Variants in TTC29 observed in about 807,000 individuals in gnomAD.
TTC29 encodes the protein tetratricopeptide repeat protein 29.
A neutral mutation model predicts 58.1 loss-of-function variants in TTC29; 49 were observed. The observed-to-expected ratio is 0.84, with a 90% CI of 0.67 to 1.07. The LOEUF (loss-of-function observed/expected upper bound fraction) is 1.07, where lower values mean the gene tolerates loss of function less well. Among genes scored for constraint, TTC29 ranks in the 50% least tolerant of loss-of-function variants. The pLI, the probability that TTC29 is intolerant of heterozygous loss-of-function variation, is 0.00. For synonymous variants in TTC29, 209 were observed against 196.8 expected, an observed-to-expected ratio of 1.06 and a Z score of -0.52; for missense variants, 582 against 555.6, an observed-to-expected ratio of 1.05 and a Z score of -0.48.
chr4:146,802,043 C>G (rs1316925475), intron 11 of TTC29, among the ~76,000 whole-genome samples: 2 of 144,886 alleles, frequency 1.4e-5, no homozygotes, highest in African/African-American at 5.1e-5. Flanking sequence ...AGGATGGCCT[C>G]GAATAGACAT....
At chr4:146,712,664 T>C (rs1386444425) in intron 11 of TTC29, among the ~76,000 whole-genome samples, 3 of 152,116 alleles carry the variant, frequency 2.0e-5, no homozygotes, top group Non-Finnish European at 4.4e-5. Context: ...AAGAAACAGA[T>C]GGCACATGCA....
At chr4:146,920,496 C>T (rs1360309584) in intron 4 of TTC29, among the ~76,000 whole-genome samples, 7 of 150,884 alleles carry the variant, frequency 4.6e-5, no homozygotes, top group Non-Finnish European at 1.0e-4. Context: ...GAAAACAAAA[C>T]ATTATTCATG....
In TTC29 at chr4:146,718,682, C is replaced by A. The variant is rs540024160; in HGVS notation, c.1331-11131G>T. ...GGTTTTCTCTTCACTCTGTTGTTTT[C>A]TTTTTTTGTGCAGAAACTTTTAATT... On this transcript the variant is annotated intron_variant, in intron 11 of 12. Coordinates refer to ENST00000325106, the MANE Select transcript of TTC29 (RefSeq NM_031956.4). 2.0e-5 allele frequency among the ~76,000 whole-genome samples: 3 copies of A among 151,956 alleles called. No individual in the cohort carries two copies. The South Asian group carries it at 6.3e-4, about 32-fold the overall frequency.
At chr4:146,939,124 C>G (rs1399651138) in intron 3 of TTC29, among the ~76,000 whole-genome samples, 1 of 152,114 alleles carries the variant, frequency 6.6e-6, no homozygotes, top group Non-Finnish European at 1.5e-5. Flanking sequence ...TCTTCCAAAA[C>G]AGAAGTCAGC....
At chr4:146,822,006 T>TC (rs1751874155) in intron 9 of TTC29, among the ~76,000 whole-genome samples, 2 of 120,562 alleles carry the variant, frequency 1.7e-5, no homozygotes, top group Non-Finnish European at 3.4e-5. Flanking sequence ...TTTTTTTTTT[T>TC]CTGGGTTTTC....
At chr4:146,895,803 A>G (rs1472332805) in intron 6 of TTC29, among the ~76,000 whole-genome samples, 1 of 152,162 alleles carries the variant, frequency 6.6e-6, no homozygotes, top group Non-Finnish European at 1.5e-5. Flanking sequence ...AATAAACCCC[A>G]TCATTTTCCC....
intron 2 of TTC29, among the ~76,000 whole-genome samples, chr4:146,942,429 T>A (rs909978802): frequency 3.9e-5 from 6 of 152,230 alleles, no homozygotes; most frequent in Non-Finnish European, 8.8e-5. Flanking sequence ...AAAATCTATT[T>A]TTCTGATTAG....
At chr4:146,842,970 GA>G (rs1368047308) in intron 8 of TTC29, among the ~76,000 whole-genome samples, 1 of 152,170 alleles carries the variant, frequency 6.6e-6, no homozygotes, top group African/African-American at 2.4e-5. Flanking sequence ...GGTGAGCAGA[GA>G]GGATGTTTCT....
rs775078880 is a variant in TTC29, at chr4:146,909,233, T to A, written c.193A>T (p.Lys65Ter). The change falls in exon 5 of 13, where the codon AAG becomes TAG. Residue 65 changes from lysine (K) to a stop codon, truncating the protein, a stop_gained. Coordinates refer to ENST00000325106, the MANE Select transcript of TTC29 (RefSeq NM_031956.4). LOFTEE classifies it high-confidence loss of function. ...AGCATGTCCACACAGATATTCTTCT[T>A]GTAGGAGTTCCTATAACTGGAAATA... ...EEVAAYRNSY[K>*]KNICVDMLRD... The A allele has an allele frequency of 1.2e-6, 2 of 1,612,262 alleles. No homozygotes were observed. The highest frequency in any genetic ancestry group is 1.7e-6 in the Non-Finnish European group (2 of 1,179,058).
intron 8 of TTC29, among the ~76,000 whole-genome samples, chr4:146,863,753 G>C (rs1188963389): frequency 2.0e-5 from 3 of 152,142 alleles, no homozygotes; most frequent in Non-Finnish European, 4.4e-5. Context: ...CTGCAAACTG[G>C]TGAGTCAGTG....
At chr4:146,871,486 T>C (rs556414404) in intron 7 of TTC29, among the ~76,000 whole-genome samples, 1 of 151,990 alleles carries the variant, frequency 6.6e-6, no homozygotes, top group African/African-American at 2.4e-5. Context: ...TAATTGCAGA[T>C]ACCATAGTCT....
At chr4:146,874,359 A>G (rs901311181) in intron 7 of TTC29, among the ~76,000 whole-genome samples, 1 of 152,052 alleles carries the variant, frequency 6.6e-6, no homozygotes, top group African/African-American at 2.4e-5. Flanking sequence ...ACAAACAATG[A>G]AAGGTCTCTA....
intron 11 of TTC29, among the ~76,000 whole-genome samples, chr4:146,749,617 T>C (rs1745823490): frequency 6.6e-6 from 1 of 152,182 alleles, no homozygotes; most frequent in African/African-American, 2.4e-5. Flanking sequence ...AAAACAAGCA[T>C]ACTTAATCAA....
chr4:146,736,816 T>C (rs752717148), intron 11 of TTC29, among the ~76,000 whole-genome samples: 1 of 151,992 alleles, frequency 6.6e-6, no homozygotes, highest in Non-Finnish European at 1.5e-5. Context: ...AAAATGAAAA[T>C]GGTTTATGCA....
chr4:146,726,067 G>T (rs1743760407), intron 11 of TTC29, among the ~76,000 whole-genome samples: 2 of 152,042 alleles, frequency 1.3e-5, no homozygotes, highest in Non-Finnish European at 2.9e-5. Flanking sequence ...AGAGACAGCG[G>T]TATTGCTATA....
chr4:146,741,506 A>C (rs35224719), intron 11 of TTC29, among the ~76,000 whole-genome samples: 1 of 124,342 alleles, frequency 8.0e-6, no homozygotes, highest in Admixed American at 7.7e-5. Flanking sequence ...TTTTTTGCTT[A>C]CTTTATTTGT....
intron 9 of TTC29, among the ~76,000 whole-genome samples, chr4:146,821,993 T>G (rs964560273): frequency 9.9e-5 from 15 of 151,284 alleles, no homozygotes; most frequent in African/African-American, 3.4e-4. Flanking sequence ...GTGTTTTTTT[T>G]TTTTTTTTTT....
At chr4:146,747,549 T>C (rs890502010) in intron 11 of TTC29, among the ~76,000 whole-genome samples, 3 of 152,180 alleles carry the variant, frequency 2.0e-5, no homozygotes, top group African/African-American at 7.2e-5. Flanking sequence ...ACTGGAGCAG[T>C]CATTCCCCTG....
chr4:146,899,825 G>A (rs539032330), intron 6 of TTC29, among the ~76,000 whole-genome samples: 1 of 152,214 alleles, frequency 6.6e-6, no homozygotes, highest in South Asian at 2.1e-4. Context: ...TGCTTGGTTG[G>A]GCCCTGACCA....
Sources: gnomAD v4.1 joint callset for allele counts (sites outside exome capture counted in the v4.1 genomes callset) on GRCh38, gnomAD v4.1.1 for gene constraint, MANE v1.5 for transcripts, NCBI Gene and HGNC (gene_info 2026-07-23, HGNC 2026-07-21) for gene names.